The following TRPM3 variants were observed in gnomAD, a reference collection of about 807,000 sequenced individuals.
The protein encoded by TRPM3 is transient receptor potential cation channel subfamily M member 3, also known as long transient receptor potential channel 3.
Under a neutral mutation model 181.2 loss-of-function variants are expected in TRPM3, and 77 were observed. That is an observed-to-expected ratio of 0.42 (90% CI 0.35 to 0.51). The LOEUF (loss-of-function observed/expected upper bound fraction) is 0.51. Ranked by LOEUF, TRPM3 falls within the 20% of genes least tolerant of loss-of-function variation. The probability of loss-of-function intolerance (pLI) is 0.01; values close to 1 mark genes in which losing one functional copy is unlikely to be tolerated. For missense variants in TRPM3, 1,759 were observed against 2,196.7 expected (o/e 0.80, Z 3.98); for synonymous variants, 745 against 796.4 (o/e 0.94, Z 1.09).
In TRPM3 at chr9:70,557,748, C is replaced by A. The variant is rs560728892; in HGVS notation, c.3224-4438G>T. Among the ~76,000 whole-genome samples, 14 of 152,286 alleles carry A rather than the reference C, an allele frequency of 9.2e-5. No homozygotes were observed. In the South Asian group the frequency reaches 2.9e-3, roughly 32 times the overall value. ...GCCTCCTCCTTCCTTGCTTTTGGGA[C>A]CTGACATTTGGGTGGCTTTTCTCTC... On this transcript the variant is annotated intron_variant, in intron 22 of 25. Transcript: ENST00000677713.
intron 1 of TRPM3, chr9:70,917,565 T>TTTTTTTTTTTTTTTTTTTTTTGAGAC: frequency 1.7e-6 from 1 of 596,388 alleles, no homozygotes; most frequent in Non-Finnish European, 3.1e-6. Context: ...AGTGTTAAGT[T>TTTTTTTTTTTTTTTTTTTTTTGAGAC]GTTATATCAA....
At chr9:71,239,462 C>A (rs932987968) in intron 1 of TRPM3, among the ~76,000 whole-genome samples, 4 of 152,142 alleles carry the variant, frequency 2.6e-5, no homozygotes, top group Non-Finnish European at 5.9e-5. Flanking sequence ...CTCTCTCTGC[C>A]TGCTCCAAGT....
At chr9:71,357,522 G>A (rs78519304) in intron 1 of TRPM3, among the ~76,000 whole-genome samples, 2,134 of 152,116 alleles carry the variant, frequency 0.014, 42 homozygotes, top group African/African-American at 0.046. Flanking sequence ...GCTTTGGCAG[G>A]AATTTGCATC....
intron 1 of TRPM3, among the ~76,000 whole-genome samples, chr9:71,417,910 A>G (rs1388119649): frequency 2.0e-5 from 3 of 151,972 alleles, no homozygotes; most frequent in Non-Finnish European, 2.9e-5. Flanking sequence ...TCACTCGCAA[A>G]ACACCTGATG....
Position 70,747,216 on chromosome 9 carries a change from G to A in TRPM3, c.1272+14385C>T, listed in dbSNP as rs184972402. Among the ~76,000 whole-genome samples, 19 of 152,260 alleles carry A rather than the reference G, an allele frequency of 1.2e-4. No homozygotes were observed. In the East Asian group the frequency reaches 3.7e-3, roughly 29 times the overall value. On this transcript the variant is annotated intron_variant, in intron 8 of 25. Coordinates refer to ENST00000677713, the MANE Select transcript of TRPM3 (RefSeq NM_001366145.2). ...CTGCTCTTAAGAGCTTGCATGGGAAGTTAGAGATATACATAAATAAAGTAT... is the reference window on the plus strand; with the variant it reads ...CTGCTCTTAAGAGCTTGCATGGGAAATTAGAGATATACATAAATAAAGTAT...
chr9:71,386,098 C>A (rs2092917218), intron 1 of TRPM3, among the ~76,000 whole-genome samples: 1 of 152,046 alleles, frequency 6.6e-6, no homozygotes, highest in Admixed American at 6.5e-5. Flanking sequence ...AAGAATGAAT[C>A]CAAGATTTCT....
At chr9:71,386,942 T>C (rs1004095718) in intron 1 of TRPM3, among the ~76,000 whole-genome samples, 1 of 152,178 alleles carries the variant, frequency 6.6e-6, no homozygotes, top group African/African-American at 2.4e-5. Flanking sequence ...TGATCTTCCA[T>C]TGGCACTGAG....
intron 1 of TRPM3, among the ~76,000 whole-genome samples, chr9:71,414,158 A>G (rs2093603780): frequency 6.6e-6 from 1 of 152,262 alleles, no homozygotes; most frequent in Non-Finnish European, 1.5e-5. Flanking sequence ...CACAAGCTGC[A>G]TGTCCTGTGG....
At chr9:70,781,740 A>T (rs1588251471) in intron 7 of TRPM3, among the ~76,000 whole-genome samples, 2 of 152,110 alleles carry the variant, frequency 1.3e-5, no homozygotes, top group East Asian at 1.9e-4. Context: ...TTAAATAATA[A>T]TTTAATTTAA....
At chr9:71,440,554 C>T (rs2094122463) in intron 1 of TRPM3, among the ~76,000 whole-genome samples, 1 of 152,186 alleles carries the variant, frequency 6.6e-6, no homozygotes. Context: ...CTCCAAATCT[C>T]CCACCACCAC....
intron 1 of TRPM3, among the ~76,000 whole-genome samples, chr9:71,369,836 TCA>T (rs760483150): frequency 6.6e-6 from 1 of 152,240 alleles, no homozygotes; most frequent in East Asian, 1.9e-4. Flanking sequence ...AATGCGCTTC[TCA>T]CAGATTCAAG....
chr9:71,257,590 A>G (rs539920085), intron 1 of TRPM3, among the ~76,000 whole-genome samples: 1 of 152,262 alleles, frequency 6.6e-6, no homozygotes, highest in African/African-American at 2.4e-5. Context: ...GCTATTTAAG[A>G]TATGTTTTCT....
At position 71,024,419 on chromosome 9, in the gene TRPM3, GGT is replaced by G. The variant is rs139442948; in HGVS notation, c.177+96757_177+96758del. On this transcript the variant is annotated intron_variant, in intron 1 of 25. Coordinates refer to ENST00000677713, the MANE Select transcript of TRPM3 (RefSeq NM_001366145.2). ...GTGAGGCAAAGGGAGATTTGAAGGAGGTGTTAACAAGCTTTTACTTAAGCAGG... is the reference window on the plus strand; with the variant it reads ...GTGAGGCAAAGGGAGATTTGAAGGAGGTTAACAAGCTTTTACTTAAGCAGG... Among the ~76,000 whole-genome samples the G allele has an allele frequency of 4.0e-3, 615 of 152,232 alleles. 5 individuals carry two copies. Among genetic ancestry groups the G allele is most frequent in the African/African-American group, 0.014 (585 of 41,548 alleles).
chr9:71,230,121 C>A (rs2080952705), intron 1 of TRPM3, among the ~76,000 whole-genome samples: 1 of 151,900 alleles, frequency 6.6e-6, no homozygotes, highest in South Asian at 2.1e-4. Context: ...TGAGATTGAG[C>A]CATCAAAATA....
rs1419618337 is a variant in TRPM3, at chr9:71,003,882, A to G, written c.177+117296T>C. 3.3e-5 allele frequency among the ~76,000 whole-genome samples: 5 copies of G among 152,326 alleles called. No homozygotes were observed. The East Asian group carries it at 9.7e-4, about 29-fold the overall frequency. The stretch of plus-strand genomic sequence containing the variant: ...CACGAAACTGACAGAAGCTGAAGCC[A>G]GTTAGAGGAGTGGTCATTTTAGACT... On this transcript the variant is annotated intron_variant, in intron 1 of 25. Coordinates refer to ENST00000677713, the MANE Select transcript of TRPM3 (RefSeq NM_001366145.2).
chr9:70,797,509 A>G (rs1169707847), intron 6 of TRPM3, among the ~76,000 whole-genome samples: 1 of 152,142 alleles, frequency 6.6e-6, no homozygotes, highest in Non-Finnish European at 1.5e-5. Context: ...TCTGCACCCA[A>G]CCTTCGTCTC....
chr9:70,651,566 A>C (rs774264900), intron 9 of TRPM3, among the ~76,000 whole-genome samples: 1 of 152,142 alleles, frequency 6.6e-6, no homozygotes, highest in Non-Finnish European at 1.5e-5. Flanking sequence ...CAGACAAAGG[A>C]GAGAACTTTG....
intron 1 of TRPM3, among the ~76,000 whole-genome samples, chr9:71,153,306 T>TC (rs2075828186): frequency 6.6e-6 from 1 of 151,724 alleles, no homozygotes; most frequent in Non-Finnish European, 1.5e-5. Context: ...TTTTTTTTTT[T>TC]TCTGAGACAG....
intron 25 of TRPM3, among the ~76,000 whole-genome samples, chr9:70,545,204 C>T (rs759950021): frequency 3.3e-5 from 5 of 152,036 alleles, no homozygotes; most frequent in Admixed American, 2.6e-4. Flanking sequence ...GTGTTCTTTC[C>T]GTTATACCAT....
Sources: gnomAD v4.1 joint callset for allele counts (sites outside exome capture counted in the v4.1 genomes callset) on GRCh38, gnomAD v4.1.1 for gene constraint, MANE v1.5 for transcripts, NCBI Gene and HGNC (gene_info 2026-07-23, HGNC 2026-07-21) for gene names.